The following BMERB1 variants were observed in gnomAD, a reference collection of about 807,000 sequenced individuals.
BMERB1 encodes the protein bMERB domain containing 1, also known as bMERB domain-containing protein 1.
BMERB1 carries 12 observed loss-of-function variants against 23.6 expected under a neutral mutation model. The observed-to-expected ratio is 0.51, with a 90% CI of 0.33 to 0.82. The LOEUF (loss-of-function observed/expected upper bound fraction) is 0.82. BMERB1 is among the 40% of genes least tolerant of loss of function. The pLI, the probability that BMERB1 is intolerant of heterozygous loss-of-function variation, is 0.03. For missense variants in BMERB1, 247 were observed against 255.4 expected, an observed-to-expected ratio of 0.97 and a Z score of 0.22; for synonymous variants, 122 against 96.6, an observed-to-expected ratio of 1.26 and a Z score of -1.54.
At chr16:15,581,940 A>C (rs1325564595) in intron 4 of BMERB1, among the ~76,000 whole-genome samples, 1 of 152,222 alleles carries the variant, frequency 6.6e-6, no homozygotes, top group Non-Finnish European at 1.5e-5. Context: ...GCCTTTCACA[A>C]GGAAAAAGGC....
chr16:15,517,733 C>CGT, intron 2 of BMERB1, among the ~76,000 whole-genome samples: 1 of 148,798 alleles, frequency 6.7e-6, no homozygotes, highest in South Asian at 2.1e-4. Flanking sequence ...TTACTGTGTG[C>CGT]GCGTGTGTGT....
rs893918329 is a variant in BMERB1, at chr16:15,436,246, T to G, written c.106+1487T>G. 2.1e-5 allele frequency among the ~76,000 whole-genome samples: 3 copies of G among 144,584 alleles called. No individual in the cohort carries two copies. The South Asian group carries it at 6.5e-4, about 32-fold the overall frequency. The allele number at this position is 144,584 out of a possible 152,430, so 94.9% of individuals were successfully genotyped here. Reference sequence around the variant, plus strand: ...CCCAGCTGTGTGACTAATTATACTCTTTTAGTTTAGCTTTTTTTTTTTTTT... The same window carrying G: ...CCCAGCTGTGTGACTAATTATACTCGTTTAGTTTAGCTTTTTTTTTTTTTT... On this transcript the variant is annotated intron_variant, in intron 1 of 5. Transcript: ENST00000300006.
chr16:15,490,293 A>G (rs1192198400), intron 1 of BMERB1, among the ~76,000 whole-genome samples: 3 of 152,110 alleles, frequency 2.0e-5, no homozygotes, highest in Non-Finnish European at 4.4e-5. Flanking sequence ...GCACTGGCAT[A>G]TGTATTTTTT....
chr16:15,529,785 A>C (rs1156459162), intron 2 of BMERB1, among the ~76,000 whole-genome samples: 2 of 152,110 alleles, frequency 1.3e-5, no homozygotes, highest in African/African-American at 4.8e-5. Context: ...TGGCTCTCTG[A>C]TGGTTAGGGT....
At chr16:15,527,785 C>T (rs143908280) in intron 2 of BMERB1, among the ~76,000 whole-genome samples, 43 of 152,230 alleles carry the variant, frequency 2.8e-4, no homozygotes, top group Admixed American at 6.5e-4. Context: ...CATGATCCCC[C>T]CATCTAGTCC....
chr16:15,519,374 T>G (rs575401289), intron 2 of BMERB1, among the ~76,000 whole-genome samples: 1 of 152,292 alleles, frequency 6.6e-6, no homozygotes, highest in East Asian at 1.9e-4. Flanking sequence ...CTTCCAATGC[T>G]TCTCGCAGCA....
intron 2 of BMERB1, among the ~76,000 whole-genome samples, chr16:15,530,258 A>T (rs1283847846): frequency 6.6e-6 from 1 of 152,188 alleles, no homozygotes; most frequent in African/African-American, 2.4e-5. Context: ...GGCTATCACC[A>T]GGTCTGATTT....
In BMERB1 at chr16:15,587,035, G is replaced by A; in HGVS notation, c.*206G>A. ...GTAGGGAGTCTCTCACCGTCGCATG[G>A]TCCTCCCCAGAGCATGCCGAACCCA... On this transcript the variant is annotated 3_prime_UTR_variant, in exon 6 of 6. Transcript: ENST00000300006. 3.6e-6 allele frequency: 2 copies of A among 554,440 alleles called. No individual in the cohort carries two copies. Among genetic ancestry groups the A allele is most frequent in the South Asian group, 4.7e-5 (2 of 42,498 alleles). 34.3% of individuals were successfully genotyped at this position (554,440 alleles called of 1,614,324 possible).
intron 2 of BMERB1, among the ~76,000 whole-genome samples, chr16:15,539,396 G>C (rs2052057329): frequency 6.6e-6 from 1 of 152,190 alleles, no homozygotes; most frequent in Non-Finnish European, 1.5e-5. Flanking sequence ...ACCTCCTGCT[G>C]TGCGGCCTGG....
At chr16:15,561,223 C>CT (rs2030409617) in intron 2 of BMERB1, among the ~76,000 whole-genome samples, 1 of 136,210 alleles carries the variant, frequency 7.3e-6, no homozygotes, top group Non-Finnish European at 1.5e-5. Context: ...TTCCAAACTG[C>CT]TAGGATTACA....
intron 2 of BMERB1, 77 bp downstream of exon 2, chr16:15,515,505 A>C: frequency 1.3e-6 from 2 of 1,530,988 alleles, no homozygotes; most frequent in East Asian, 2.3e-5. Context: ...TTGATCGTCT[A>C]CTGTGTGCCA....
intron 1 of BMERB1, among the ~76,000 whole-genome samples, chr16:15,481,274 C>A (rs2051318312): frequency 6.6e-6 from 1 of 152,098 alleles, no homozygotes; most frequent in South Asian, 2.1e-4. Flanking sequence ...TGCCTGTAAT[C>A]CCAGCACTTT....
intron 1 of BMERB1, among the ~76,000 whole-genome samples, chr16:15,505,239 G>GGT (rs2051575049): frequency 6.6e-6 from 1 of 152,208 alleles, no homozygotes; most frequent in Non-Finnish European, 1.5e-5. Flanking sequence ...GGATGGGATA[G>GGT]GTACCCCCAG....
intron 5 of BMERB1, among the ~76,000 whole-genome samples, chr16:15,586,263 G>T (rs2150979354): frequency 6.6e-6 from 1 of 152,264 alleles, no homozygotes; most frequent in South Asian, 2.1e-4. Context: ...CATGTGATAG[G>T]CATTCTAGGA....
intron 2 of BMERB1, among the ~76,000 whole-genome samples, chr16:15,566,353 A>C (rs56063323): frequency 0.09 from 13,628 of 152,184 alleles, 1,853 homozygotes; most frequent in African/African-American, 0.29. Flanking sequence ...TCCGGAGGGC[A>C]ATTTGGAAAT....
At chr16:15,569,804 A>C (rs1301249181) in intron 3 of BMERB1, among the ~76,000 whole-genome samples, 1 of 152,162 alleles carries the variant, frequency 6.6e-6, no homozygotes, top group Admixed American at 6.5e-5. Context: ...TAATTGGGGA[A>C]GTTGCAAATC....
chr16:15,562,321 C>T (rs1260540566), intron 2 of BMERB1, among the ~76,000 whole-genome samples: 1 of 140,510 alleles, frequency 7.1e-6, no homozygotes, highest in African/African-American at 2.6e-5. Context: ...AAAAAAAAAA[C>T]ATAAATAAAT....
chr16:15,483,472 T>C (rs1309261822), intron 1 of BMERB1, among the ~76,000 whole-genome samples: 1 of 152,160 alleles, frequency 6.6e-6, no homozygotes, highest in Non-Finnish European at 1.5e-5. Flanking sequence ...CTCTGCCTCC[T>C]GGGTTCAAGT....
intron 1 of BMERB1, among the ~76,000 whole-genome samples, chr16:15,453,138 C>CAG (rs1205848140): frequency 6.6e-6 from 1 of 152,106 alleles, no homozygotes; most frequent in Non-Finnish European, 1.5e-5. Context: ...CACCACTGCA[C>CAG]AACTACCTGG....
Sources: allele counts gnomAD v4.1 joint callset (sites outside exome capture counted in the v4.1 genomes callset), GRCh38; gene constraint gnomAD v4.1.1; transcripts MANE v1.5; gene names NCBI Gene and HGNC (gene_info 2026-07-23, HGNC 2026-07-21).